The following CSMD1 variants were observed in gnomAD, a reference collection of about 807,000 sequenced individuals.
CSMD1 encodes the protein CUB and sushi domain-containing protein 1.
In CSMD1, 213 loss-of-function variants were observed where a neutral mutation model predicts 417.5. The observed-to-expected ratio is 0.51, with a 90% CI of 0.46 to 0.57. The LOEUF (loss-of-function observed/expected upper bound fraction) is 0.57, where lower values mean the gene tolerates loss of function less well. CSMD1 is among the 20% of genes least tolerant of loss of function. The probability of loss-of-function intolerance (pLI) is 0.00; values close to 1 mark genes in which losing one functional copy is unlikely to be tolerated. For missense variants in CSMD1, 6,923 were observed against 4,529.7 expected (o/e 1.53, Z -15.17); for synonymous variants, 2,862 against 1,736.8 (o/e 1.65, Z -16.11).
chr8:3,199,873 G>A, intron 32 of CSMD1, 64 bp from the exon 33 acceptor site: 2 of 923,022 alleles, frequency 2.2e-6, no homozygotes, highest in South Asian at 1.6e-5. Context: ...GTAGTATTTT[G>A]GAAAATGGTG....
At chr8:3,234,819 A>G (rs1799054159) in intron 26 of CSMD1, among the ~76,000 whole-genome samples, 1 of 152,250 alleles carries the variant, frequency 6.6e-6, no homozygotes, top group Non-Finnish European at 1.5e-5. Context: ...TCTTGGTACC[A>G]AAGGGGTACC....
At chr8:3,975,589 C>A (rs1468719043) in intron 5 of CSMD1, among the ~76,000 whole-genome samples, 3 of 152,102 alleles carry the variant, frequency 2.0e-5, no homozygotes, top group African/African-American at 7.2e-5. Flanking sequence ...AAGCTGGGCA[C>A]CTCGTGTGGA....
chr8:3,359,337 T>A lies in CSMD1; in HGVS notation c.3119A>T (p.Tyr1040Phe), dbSNP rs1398468544. The A allele has an allele frequency of 2.5e-6, 4 of 1,612,540 alleles. No homozygotes were observed. The highest frequency in any genetic ancestry group is 2.5e-6 in the Non-Finnish European group (3 of 1,179,414). The change falls in exon 21 of 70, where the codon TAT (tyrosine) becomes TTT (phenylalanine). Residue 1040 changes from tyrosine (Y) to phenylalanine (F), a missense_variant. By Grantham distance (22) the Tyr-to-Phe change is conservative. Transcript: ENST00000635120. ...YEGFNITFSE[Y>F]DLEPCDDPGV... ...AGGATCATCACATGGCTCCAGGTCA[T>A]ATTCTGAGGCATGCAGAGACAGAGT...
chr8:3,326,816 G>C lies in CSMD1; in HGVS notation c.3631+16478C>G, dbSNP rs570656599. ...ATTTTATAGGCTTTCTTTTCTTATA[G>C]CAGAAGTGTAAAAATGCCTTTTCAG... is the stretch of plus-strand genomic sequence containing the variant. On this transcript the variant is annotated intron_variant, in intron 23 of 69. Transcript: ENST00000635120. Among the ~76,000 whole-genome samples, 15 of 152,212 alleles carry C rather than the reference G, an allele frequency of 9.9e-5. 1 individual carries two copies. The South Asian group carries it at 2.3e-3, about 23-fold the overall frequency.
At chr8:4,562,333 A>T (rs1585252987) in intron 2 of CSMD1, among the ~76,000 whole-genome samples, 1 of 152,172 alleles carries the variant, frequency 6.6e-6, no homozygotes, top group African/African-American at 2.4e-5. Flanking sequence ...GGCCCCCAAG[A>T]AATGGGAAAT....
At chr8:3,435,956 T>C (rs1489850891) in intron 12 of CSMD1, among the ~76,000 whole-genome samples, 1 of 152,214 alleles carries the variant, frequency 6.6e-6, no homozygotes, top group Non-Finnish European at 1.5e-5. Flanking sequence ...ATGCAATCCA[T>C]GCCATTTCAC....
intron 49 of CSMD1, among the ~76,000 whole-genome samples, chr8:3,069,426 C>T (rs1427670563): frequency 6.6e-6 from 1 of 150,390 alleles, no homozygotes; most frequent in African/African-American, 2.5e-5. Flanking sequence ...CAGAGTGAGA[C>T]TCTGTCTGAA....
chr8:3,380,974 C>G (rs569163137), intron 18 of CSMD1, among the ~76,000 whole-genome samples: 2 of 151,892 alleles, frequency 1.3e-5, no homozygotes, highest in Non-Finnish European at 2.9e-5. Context: ...GGGGATGGTA[C>G]TTGAATGCAC....
intron 5 of CSMD1, among the ~76,000 whole-genome samples, chr8:3,768,023 G>C (rs1426091955): frequency 6.6e-6 from 1 of 152,052 alleles, no homozygotes; most frequent in African/African-American, 2.4e-5. Flanking sequence ...GAATGCACCA[G>C]GTATACAAAA....
At chr8:4,688,344 A>G (rs1806523050) in intron 1 of CSMD1, among the ~76,000 whole-genome samples, 1 of 152,196 alleles carries the variant, frequency 6.6e-6, no homozygotes, top group Non-Finnish European at 1.5e-5. Flanking sequence ...CCAGAACTAA[A>G]AAGCTGTAAG....
chr8:3,351,620 A>AAAAG (rs1808430336), intron 21 of CSMD1, among the ~76,000 whole-genome samples: 1 of 150,348 alleles, frequency 6.7e-6, no homozygotes, highest in Non-Finnish European at 1.5e-5. Context: ...AAAAGAAAAG[A>AAAAG]AAAGAAAGGA....
At chr8:4,944,388 C>G (rs1343001137) in intron 1 of CSMD1, among the ~76,000 whole-genome samples, 1 of 152,186 alleles carries the variant, frequency 6.6e-6, no homozygotes, top group Non-Finnish European at 1.5e-5. Flanking sequence ...GCTCAACACA[C>G]TATTCAGATG....
chr8:3,868,938 A>G (rs1431016344), intron 5 of CSMD1, among the ~76,000 whole-genome samples: 2 of 151,354 alleles, frequency 1.3e-5, no homozygotes, highest in African/African-American at 2.4e-5. Flanking sequence ...CCCAGAGCCA[A>G]AGAGACTCCA....
intron 1 of CSMD1, among the ~76,000 whole-genome samples, chr8:4,819,245 C>T (rs998125426): frequency 6.6e-6 from 1 of 152,116 alleles, no homozygotes; most frequent in Non-Finnish European, 1.5e-5. Flanking sequence ...TAGTATTTGG[C>T]ATTTTACAAT....
chr8:4,528,019 G>T (rs1178932951), intron 2 of CSMD1, among the ~76,000 whole-genome samples: 1 of 152,184 alleles, frequency 6.6e-6, no homozygotes, highest in Admixed American at 6.5e-5. Context: ...GTGGGATCAT[G>T]TCAGTGCTTT....
intron 49 of CSMD1, 76 bp from the exon 50 acceptor site, chr8:3,052,723 A>C: frequency 9.6e-7 from 1 of 1,038,236 alleles, no homozygotes; most frequent in African/African-American, 1.7e-5. Context: ...TTGATTGATT[A>C]ATCATTATTA....
chr8:3,016,921 C>T (rs1438288238), intron 52 of CSMD1, among the ~76,000 whole-genome samples: 1 of 152,152 alleles, frequency 6.6e-6, no homozygotes, highest in Non-Finnish European at 1.5e-5. Context: ...AACTTTCAGA[C>T]ACAAGAATAA....
intron 4 of CSMD1, among the ~76,000 whole-genome samples, chr8:4,002,660 C>T (rs2130373617): frequency 6.6e-6 from 1 of 152,248 alleles, no homozygotes; most frequent in Non-Finnish European, 1.5e-5. Flanking sequence ...AAAAGCTTTG[C>T]TGACAGAAAT....
chr8:3,305,768 C>G (rs1258657048), intron 25 of CSMD1, among the ~76,000 whole-genome samples: 2 of 152,194 alleles, frequency 1.3e-5, no homozygotes, highest in East Asian at 1.9e-4. Context: ...CAGGCTCCAC[C>G]TCCTGGGTTC....
Sources: gnomAD v4.1 joint callset for allele counts (sites outside exome capture counted in the v4.1 genomes callset) on GRCh38, gnomAD v4.1.1 for gene constraint, MANE v1.5 for transcripts, NCBI Gene and HGNC (gene_info 2026-07-23, HGNC 2026-07-21) for gene names.